RALGPS1: variants seen among roughly 807,000 people sequenced by gnomAD.
RALGPS1 encodes ras-specific guanine nucleotide-releasing factor RalGPS1.
Under a neutral mutation model 78.8 loss-of-function variants are expected in RALGPS1, and 19 were observed. That is an observed-to-expected ratio of 0.24 (90% CI 0.17 to 0.35). The LOEUF is 0.35. Ranked by LOEUF, RALGPS1 falls within the 10% of genes least tolerant of loss-of-function variation. The pLI, the probability that RALGPS1 is intolerant of heterozygous loss-of-function variation, is 1.00. For missense variants in RALGPS1, 454 were observed against 688.3 expected, an observed-to-expected ratio of 0.66 and a Z score of 3.81; for synonymous variants, 228 against 256.3, an observed-to-expected ratio of 0.89 and a Z score of 1.06.
At chr9:127,110,319 T>C (rs2054669817) in intron 8 of RALGPS1, among the ~76,000 whole-genome samples, 1 of 152,174 alleles carries the variant, frequency 6.6e-6, no homozygotes, top group African/African-American at 2.4e-5. Context: ...TGGGCTCCCT[T>C]CTTGACCTTC....
At chr9:127,027,243 T>A (rs899173978) in intron 4 of RALGPS1, among the ~76,000 whole-genome samples, 4 of 152,234 alleles carry the variant, frequency 2.6e-5, no homozygotes, top group Non-Finnish European at 4.4e-5. Flanking sequence ...CTTTTACTTC[T>A]GTGCTTTGTC....
At chr9:127,025,670 A>C (rs1371485048) in intron 4 of RALGPS1, among the ~76,000 whole-genome samples, 1 of 152,130 alleles carries the variant, frequency 6.6e-6, no homozygotes, top group Non-Finnish European at 1.5e-5. Flanking sequence ...TCCTCCTGGT[A>C]AAGTGTATGA....
At chr9:127,081,620 A>C in intron 8 of RALGPS1, among the ~76,000 whole-genome samples, 1 of 152,292 alleles carries the variant, frequency 6.6e-6, no homozygotes, top group South Asian at 2.1e-4. Context: ...CACTCCCTCC[A>C]CATTAACTAT....
At chr9:127,216,976 G>A in intron 18 of RALGPS1, 12 of 1,544,788 alleles carry the variant, frequency 7.8e-6, no homozygotes, top group Non-Finnish European at 9.6e-6. Flanking sequence ...GGCGGTGCGG[G>A]GAAGGAGGCA....
At chr9:126,930,504 G>A (rs574185995) in intron 1 of RALGPS1, among the ~76,000 whole-genome samples, 8 of 152,228 alleles carry the variant, frequency 5.3e-5, no homozygotes, top group South Asian at 4.1e-4. Context: ...GTATAGTGGC[G>A]TAATCTTGGC....
chr9:126,933,722 G>C (rs1302108048), intron 1 of RALGPS1, among the ~76,000 whole-genome samples: 1 of 151,968 alleles, frequency 6.6e-6, no homozygotes, highest in Non-Finnish European at 1.5e-5. Flanking sequence ...GTAAGGTGTG[G>C]GGTATGGTGA....
At chr9:127,030,949 G>A (rs1252804655) in intron 4 of RALGPS1, among the ~76,000 whole-genome samples, 1 of 152,220 alleles carries the variant, frequency 6.6e-6, no homozygotes, top group Non-Finnish European at 1.5e-5. Flanking sequence ...GGTCTCAGCA[G>A]CACCTGGTAA....
In RALGPS1 at chr9:127,212,907, G is replaced by C. The variant is rs1439231953; in HGVS notation, c.1447-37G>C. ...GCCTCCCTTGTGGAGTGGAGGGCTG[G>C]GCCCCGGTCTCCGGATGTGTTGTTG... On this transcript the variant is annotated intron_variant, in intron 16 of 18. Coordinates refer to ENST00000259351, the MANE Select transcript of RALGPS1 (RefSeq NM_014636.3). This position sits in a 1 kb window ranked among gnomAD's most constrained non-coding sequence, Gnocchi z 6.0. 6.2e-7 allele frequency: 1 copy of C among 1,613,678 alleles called. No homozygotes were observed. The highest frequency in any genetic ancestry group is 8.5e-7 in the Non-Finnish European group (1 of 1,179,836).
intron 1 of RALGPS1, among the ~76,000 whole-genome samples, chr9:126,921,781 G>A (rs2034785803): frequency 6.6e-6 from 1 of 152,202 alleles, no homozygotes; most frequent in African/African-American, 2.4e-5. Context: ...TTCGTACAGG[G>A]TTTCAGGGAG....
At chr9:126,920,324 G>A (rs1021022393) in intron 1 of RALGPS1, among the ~76,000 whole-genome samples, 3 of 152,178 alleles carry the variant, frequency 2.0e-5, no homozygotes, top group East Asian at 3.8e-4. Context: ...GGCATGTGCT[G>A]TGCTATATGC....
At chr9:127,098,612 G>A (rs984841807) in intron 8 of RALGPS1, among the ~76,000 whole-genome samples, 12 of 152,116 alleles carry the variant, frequency 7.9e-5, no homozygotes, top group African/African-American at 2.2e-4. Context: ...GTCTCAGCCC[G>A]GACCCCACTG....
In RALGPS1 at chr9:127,069,078, G is replaced by A. The variant is rs1422052947; in HGVS notation, c.484-152G>A. The A allele has an allele frequency of 1.0e-4, 77 of 763,604 alleles. 2 individuals are homozygous for A. In the East Asian group the frequency reaches 1.9e-3, roughly 19 times the overall value. 47.3% of individuals were successfully genotyped at this position (763,604 alleles called of 1,614,324 possible). ...GTCCTGCCTCCTTCTTCATATGCACGAAACAGCCTTTTAAAATCCTTAGTT... is the reference window on the plus strand; with the variant it reads ...GTCCTGCCTCCTTCTTCATATGCACAAAACAGCCTTTTAAAATCCTTAGTT... On this transcript the variant is annotated intron_variant, in intron 7 of 18. Coordinates refer to ENST00000259351, the MANE Select transcript of RALGPS1 (RefSeq NM_014636.3).
At chr9:127,192,395 C>T (rs568689670) in intron 11 of RALGPS1, among the ~76,000 whole-genome samples, 1 of 152,374 alleles carries the variant, frequency 6.6e-6, no homozygotes, top group African/African-American at 2.4e-5. Context: ...GAAGGAGTTG[C>T]AGGCTTAGCC....
intron 8 of RALGPS1, among the ~76,000 whole-genome samples, chr9:127,129,287 G>A (rs984966023): frequency 1.3e-5 from 2 of 152,098 alleles, no homozygotes; most frequent in Non-Finnish European, 2.9e-5. Context: ...TCTTCATAGC[G>A]AAAAATTCAT....
intron 10 of RALGPS1, among the ~76,000 whole-genome samples, chr9:127,172,714 A>G (rs1318832723): frequency 3.3e-5 from 5 of 151,880 alleles, no homozygotes; most frequent in South Asian, 2.1e-4. Context: ...TAGGTCTTCA[A>G]TCTCCTTTTT....
intron 8 of RALGPS1, among the ~76,000 whole-genome samples, chr9:127,119,606 G>C (rs1270971880): frequency 6.6e-6 from 1 of 152,188 alleles, no homozygotes; most frequent in Non-Finnish European, 1.5e-5. Context: ...TTGTGGTGAG[G>C]ATGAAATGAC....
chr9:127,155,892 A>G (rs112241465), intron 8 of RALGPS1, among the ~76,000 whole-genome samples: 2,571 of 112,500 alleles, frequency 0.023, 87 homozygotes, highest in African/African-American at 0.1. Context: ...AGAAAGAAAT[A>G]TCTTGCTTTT....
intron 1 of RALGPS1, among the ~76,000 whole-genome samples, chr9:126,953,032 G>GATTTAAGTGATTATTAATAATCACTT (rs2038009944): frequency 2.0e-5 from 3 of 152,092 alleles, no homozygotes; most frequent in African/African-American, 7.2e-5. Flanking sequence ...CCTTAAGCTG[G>GATTTAAGTGATTATTAATAATCACTT]AAAAAGTGAT....
intron 4 of RALGPS1, among the ~76,000 whole-genome samples, chr9:127,010,669 G>T (rs943553985): frequency 6.6e-6 from 1 of 152,224 alleles, no homozygotes; most frequent in African/African-American, 2.4e-5. Context: ...CAGAGGCCAA[G>T]AACATGGCTG....
Sources: gnomAD v4.1 joint callset for allele counts (sites outside exome capture counted in the v4.1 genomes callset) on GRCh38, gnomAD v4.1.1 for gene constraint, Gnocchi (gnomAD v3.1) non-coding constraint, MANE v1.5 for transcripts, NCBI Gene and HGNC (gene_info 2026-07-23, HGNC 2026-07-21) for gene names.